Variants in TRNT1 observed in about 807,000 individuals in gnomAD.
The protein encoded by TRNT1 is CCA tRNA nucleotidyltransferase 1, mitochondrial.
TRNT1 carries 44 observed loss-of-function variants against 45.6 expected under a neutral mutation model. The ratio of observed to expected loss-of-function variants is 0.97; its 90% CI spans 0.76 to 1.24. The LOEUF (loss-of-function observed/expected upper bound fraction) is 1.24. Among genes scored for constraint, TRNT1 ranks in the 50% most tolerant of loss-of-function variants. The probability of loss-of-function intolerance (pLI) is 0.00; values close to 1 mark genes in which losing one functional copy is unlikely to be tolerated. For missense variants in TRNT1, 633 were observed against 504.4 expected (o/e 1.25, Z -2.44); for synonymous variants, 201 against 171.4 (o/e 1.17, Z -1.35).
rs1289328647 is a variant in TRNT1 at position 3,148,797 on chromosome 3, T to C, written c.*643T>C. The C allele has an allele frequency of 1.6e-5, 2 of 127,430 alleles. No homozygotes were observed. The highest frequency in any genetic ancestry group is 3.7e-5 in the Non-Finnish European group (2 of 53,552). 7.9% of individuals were successfully genotyped at this position (127,430 alleles called of 1,614,324 possible). A position where few individuals can be genotyped will look rare whatever the true frequency, so the allele number is the denominator to read the frequency against. The stretch of plus-strand genomic sequence containing the variant: ...CATGGGATTAACTTGAGGGTCACTA[T>C]TGAGCCTATTAATTAATTATTGTTT... On this transcript the variant is annotated 3_prime_UTR_variant, in exon 8 of 8. Transcript: ENST00000251607.
chr3:3,128,026 G>T (rs1704710336), intron 1 of TRNT1: 1 of 152,206 alleles, frequency 6.6e-6, no homozygotes, highest in Admixed American at 6.5e-5. Flanking sequence ...CTTGTAAGTT[G>T]TATGTTTATG....
Position 3,146,421 on chromosome 3 carries a change from G to A in TRNT1, c.609-9G>A. 2 of 1,602,512 alleles carry A rather than the reference G, an allele frequency of 1.2e-6. No homozygotes were observed. Among genetic ancestry groups the A allele is most frequent in the Non-Finnish European group, 1.7e-6 (2 of 1,175,968 alleles). On this transcript the variant is annotated splice_polypyrimidine_tract_variant and intron_variant, in intron 5 of 7. Coordinates refer to ENST00000251607, the MANE Select transcript of TRNT1 (RefSeq NM_182916.3). The stretch of plus-strand genomic sequence containing the variant: ...AGAGGTAATACCCTGTGAAGATTTT[G>A]TCTTGTAGGTTTTATGGGAGAATTG...
intron 4 of TRNT1, among the ~76,000 whole-genome samples, chr3:3,141,111 T>A (rs544223671): frequency 6.6e-6 from 1 of 152,260 alleles, no homozygotes; most frequent in South Asian, 2.1e-4. Flanking sequence ...ATCCCTGGGT[T>A]CAAATTCTGA....
Position 3,147,634 on chromosome 3 carries a change from T to C in TRNT1, c.987T>C (p.Asn329=). The change falls in exon 7 of 8, where the codon AAT becomes AAC. Residue 329 remains asparagine (N), a synonymous_variant. Transcript: ENST00000251607. ...ACCTTGGCTTATTTATAGTTAAAAA[T>C]AGGAAAGATTTAATTAAAGCAACAG... The part of the protein sequence containing the change: ...EKNLGLFIVK[N]RKDLIKATDS... 1 of 1,613,736 alleles carries C rather than the reference T, an allele frequency of 6.2e-7. No homozygotes were observed. Among genetic ancestry groups the C allele is most frequent in the Non-Finnish European group, 8.5e-7 (1 of 1,179,760 alleles).
rs777956639 is a variant in TRNT1, at chr3:3,147,492, G to T, written c.845G>T (p.Ser282Ile). The T allele has an allele frequency of 6.2e-7, 1 of 1,613,812 alleles. No individual in the cohort carries two copies. ...NASLEEFDKV[S>I]KNVDGFSPKP... Reference sequence around the variant, plus strand: ...AGTTTAGAAGAATTTGACAAAGTCAGTAAAAATGTTGATGGTTTTTCACCA... The same window carrying T: ...AGTTTAGAAGAATTTGACAAAGTCATTAAAAATGTTGATGGTTTTTCACCA... The change falls in exon 7 of 8, where the codon AGT (serine) becomes ATT (isoleucine). Residue 282 changes from serine (S) to isoleucine (I), a missense_variant. Transcript: ENST00000251607.
chr3:3,128,944 T>C (rs912175111), intron 1 of TRNT1, 70 bp from the exon 2 acceptor site: 87 of 1,142,316 alleles, frequency 7.6e-5, no homozygotes, highest in Non-Finnish European at 9.8e-5. Flanking sequence ...TTGAAATGTG[T>C]CCCCCTTTGT....
chr3:3,148,224 T>C lies in TRNT1; in HGVS notation c.*70T>C. On this transcript the variant is annotated 3_prime_UTR_variant, in exon 8 of 8. Transcript: ENST00000251607. Reference sequence around the variant, plus strand: ...TTTTCTCCCCTCCCTCTTAATGAGGTTTTAGAGACTACACCAGAATAAAAG... The same window carrying C: ...TTTTCTCCCCTCCCTCTTAATGAGGCTTTAGAGACTACACCAGAATAAAAG... 1 of 1,524,228 alleles carries C rather than the reference T, an allele frequency of 6.6e-7. No individual in the cohort carries two copies. Among genetic ancestry groups the C allele is most frequent in the African/African-American group, 1.4e-5 (1 of 72,054 alleles). 94.4% of individuals were successfully genotyped at this position (1,524,228 alleles called of 1,614,324 possible).
intron 7 of TRNT1, 53 bp from the exon 8 acceptor site, chr3:3,147,853 T>TAA (rs1031802673): frequency 3.8e-6 from 6 of 1,563,222 alleles, no homozygotes; most frequent in Non-Finnish European, 5.2e-6. Context: ...GATAAGATTG[T>TAA]AAGTGTATGT....
Position 3,147,705 on chromosome 3 carries a change from T to A in TRNT1, c.1056+2T>A. The A allele has an allele frequency of 6.2e-7, 1 of 1,607,932 alleles. No individual in the cohort carries two copies. The highest frequency in any genetic ancestry group is 8.5e-7 in the Non-Finnish European group (1 of 1,176,954). On this transcript the variant is annotated splice_donor_variant, in intron 7 of 7. Coordinates refer to ENST00000251607, the MANE Select transcript of TRNT1 (RefSeq NM_182916.3). LOFTEE classifies it high-confidence loss of function. ...CCCTATCAAGACTTCATTATAGATG[T>A]AAGTATATACTAGGCTTGGTCAGAA...
intron 2 of TRNT1, chr3:3,129,984 G>A (rs1030715726): frequency 3.9e-6 from 6 of 1,550,118 alleles, no homozygotes; most frequent in Non-Finnish European, 5.2e-6. Flanking sequence ...TGTGCACGTT[G>A]CAAAACCTGT....
downstream of TRNT1, chr3:3,150,470 C>T (rs1706443099): frequency 4.8e-6 from 1 of 210,130 alleles, no homozygotes; most frequent in Non-Finnish European, 9.8e-6. Context: ...CTGTCCCATA[C>T]ATCAGGATCA....
intron 2 of TRNT1, among the ~76,000 whole-genome samples, chr3:3,133,645 T>A (rs1198744409): frequency 6.6e-6 from 1 of 152,132 alleles, no homozygotes; most frequent in African/African-American, 2.4e-5. Context: ...CTAACAGCAT[T>A]AATGGATGAG....
intron 2 of TRNT1, among the ~76,000 whole-genome samples, chr3:3,134,044 G>A (rs993283870): frequency 3.3e-5 from 5 of 152,140 alleles, no homozygotes; most frequent in Non-Finnish European, 7.3e-5. Flanking sequence ...ATCAGAGGTG[G>A]CATTTGGAGC....
chr3:3,136,289 T>G (rs4685606), intron 2 of TRNT1, among the ~76,000 whole-genome samples: 19,008 of 152,202 alleles, frequency 0.12, 1,304 homozygotes, highest in South Asian at 0.17. Flanking sequence ...GGCTAGCTCC[T>G]GGATGCCATT....
downstream of TRNT1, among the ~76,000 whole-genome samples, chr3:3,152,215 A>G (rs955581624): frequency 3.3e-5 from 5 of 151,524 alleles, no homozygotes; most frequent in South Asian, 2.1e-4. Flanking sequence ...CAGTGGCACA[A>G]TCTTGGCTCA....
At chr3:3,149,725 CATTTACTCT>C (rs1706351068), downstream of TRNT1, 2 of 152,118 alleles carry the variant, frequency 1.3e-5, no homozygotes, top group Admixed American at 1.3e-4. Context: ...CTTGAATTTT[CATTTACTCT>C]ATTTACATAA....
rs1299646738 is a variant in TRNT1, at chr3:3,135,191, G to A, written c.149-2069G>A. ...AGTGTGACAGCCAGCCACTGAGCTG[G>A]AGTAAGTTGGGGAGGTGTTTCAGTG... On this transcript the variant is annotated intron_variant, in intron 2 of 7. Coordinates refer to ENST00000251607, the MANE Select transcript of TRNT1 (RefSeq NM_182916.3). Among the ~76,000 whole-genome samples the A allele has an allele frequency of 4.6e-5, 7 of 152,174 alleles. No homozygotes were observed. In the South Asian group the frequency reaches 6.2e-4, roughly 13 times the overall value.
At chr3:3,147,825 T>C in intron 7 of TRNT1, 81 bp from the exon 8 acceptor site, 6 of 1,527,882 alleles carry the variant, frequency 3.9e-6, no homozygotes, top group Middle Eastern at 3.6e-4. Context: ...AAATTTATGT[T>C]GAGTATTTAA....
At chr3:3,127,285 G>C (rs541430397) in intron 1 of TRNT1, 3 of 152,314 alleles carry the variant, frequency 2.0e-5, no homozygotes, top group Admixed American at 1.3e-4. Context: ...CACCCGGCGT[G>C]GGGGGTGAGA....
Sources: gnomAD v4.1 joint callset for allele counts (sites outside exome capture counted in the v4.1 genomes callset) on GRCh38, gnomAD v4.1.1 for gene constraint, MANE v1.5 for transcripts, NCBI Gene and HGNC (gene_info 2026-07-23, HGNC 2026-07-21) for gene names.